Variants in ERBB4 observed in about 807,000 individuals in gnomAD.
ERBB4 encodes erb-b2 receptor tyrosine kinase 4.
A neutral mutation model predicts 158.0 loss-of-function variants in ERBB4; 42 were observed. That is an observed-to-expected ratio of 0.27 (90% CI 0.21 to 0.34). The LOEUF (loss-of-function observed/expected upper bound fraction) is 0.34. Ranked by LOEUF, ERBB4 falls within the 10% of genes least tolerant of loss-of-function variation. ERBB4 has a pLI of 1.00. For missense variants in ERBB4, 1,333 were observed against 1,624.1 expected (o/e 0.82, Z 3.08); for synonymous variants, 583 against 558.7 (o/e 1.04, Z -0.61).
intron 4 of ERBB4, among the ~76,000 whole-genome samples, chr2:211,760,804 A>G (rs1428385993): frequency 1.3e-5 from 2 of 152,208 alleles, no homozygotes; most frequent in Non-Finnish European, 2.9e-5. Flanking sequence ...ATGCTTACTG[A>G]GCACTCTTTA....
intron 20 of ERBB4, among the ~76,000 whole-genome samples, chr2:211,536,919 C>A (rs890307205): frequency 6.6e-6 from 1 of 151,158 alleles, no homozygotes; most frequent in Non-Finnish European, 1.5e-5. Context: ...TAAGGTAGAG[C>A]AGGAAAAAAC....
chr2:211,414,370 G>A lies in ERBB4; in HGVS notation c.3135+6071C>T, dbSNP rs114578012. On this transcript the variant is annotated intron_variant, in intron 25 of 27. Coordinates refer to ENST00000342788, the MANE Select transcript of ERBB4 (RefSeq NM_005235.3). ...AAATTAGCCAGGCATGGTGGTGCAT[G>A]CCTTAGTTCCAGCTACTTGGGAGGC... 7.4e-3 allele frequency among the ~76,000 whole-genome samples: 1,122 copies of A among 151,894 alleles called. 14 individuals carry two copies. The highest frequency in any genetic ancestry group is 0.026 in the African/African-American group (1,072 of 41,440).
chr2:212,433,057 TAGAA>T (rs1320411103), intron 1 of ERBB4, among the ~76,000 whole-genome samples: 1 of 152,036 alleles, frequency 6.6e-6, no homozygotes, highest in Non-Finnish European at 1.5e-5. Flanking sequence ...TTTGGTGTGG[TAGAA>T]AAGTTATTTA....
chr2:211,724,133 T>C (rs1392014739), intron 6 of ERBB4, among the ~76,000 whole-genome samples: 1 of 152,204 alleles, frequency 6.6e-6, no homozygotes, highest in African/African-American at 2.4e-5. Flanking sequence ...AGGTTCTCAG[T>C]TCAAGACCTA....
chr2:211,853,344 T>A (rs566183456), intron 3 of ERBB4, among the ~76,000 whole-genome samples: 10 of 152,150 alleles, frequency 6.6e-5, no homozygotes, highest in Middle Eastern at 3.4e-3. Context: ...TCTCTATGCA[T>A]TTTAGGTCAA....
At chr2:212,382,191 C>T (rs981198949) in intron 1 of ERBB4, among the ~76,000 whole-genome samples, 3 of 147,400 alleles carry the variant, frequency 2.0e-5, no homozygotes, top group African/African-American at 7.4e-5. Context: ...TACATATAAA[C>T]ACATATAAAT....
intron 2 of ERBB4, among the ~76,000 whole-genome samples, chr2:212,024,727 G>C (rs1521538): frequency 0.83 from 126,621 of 151,842 alleles, 54,189 homozygotes; most frequent in East Asian, 0.93. Context: ...CATATTCAAC[G>C]ACATAAAAAG....
chr2:211,393,029 T>TA (rs1003499265), intron 25 of ERBB4, among the ~76,000 whole-genome samples: 4 of 152,148 alleles, frequency 2.6e-5, no homozygotes, highest in African/African-American at 9.7e-5. Flanking sequence ...CTCATTTAAT[T>TA]AAAAAATTGA....
At chr2:211,730,372 C>T (rs889144370) in intron 5 of ERBB4, among the ~76,000 whole-genome samples, 11 of 151,850 alleles carry the variant, frequency 7.2e-5, no homozygotes, top group Non-Finnish European at 1.6e-4. Flanking sequence ...CTCTGTTCGC[C>T]CGTTAACAAT....
intron 1 of ERBB4, among the ~76,000 whole-genome samples, chr2:212,271,158 A>G (rs1047184657): frequency 8.3e-6 from 1 of 120,666 alleles, no homozygotes; most frequent in African/African-American, 2.6e-5. Flanking sequence ...TGATTACAGA[A>G]TGGAAAATCT....
chr2:212,248,181 A>G (rs534315393), intron 1 of ERBB4, among the ~76,000 whole-genome samples: 2 of 152,270 alleles, frequency 1.3e-5, no homozygotes, highest in Admixed American at 1.3e-4. Flanking sequence ...CAATTTAATG[A>G]AAGAAATATG....
At chr2:212,189,081 T>G (rs1217163053) in intron 1 of ERBB4, among the ~76,000 whole-genome samples, 21 of 121,110 alleles carry the variant, frequency 1.7e-4, no homozygotes, top group Admixed American at 3.5e-4. Flanking sequence ...AACTTTTTTT[T>G]TGGGGGGGGG....
chr2:212,478,798 A>T (rs1156362829), intron 1 of ERBB4, among the ~76,000 whole-genome samples: 2 of 152,080 alleles, frequency 1.3e-5, no homozygotes, highest in Non-Finnish European at 2.9e-5. Context: ...AAAGATAAGT[A>T]AAAACTGGCT....
intron 2 of ERBB4, among the ~76,000 whole-genome samples, chr2:212,062,825 C>G (rs2077821594): frequency 6.6e-6 from 1 of 152,180 alleles, no homozygotes; most frequent in Non-Finnish European, 1.5e-5. Flanking sequence ...TTTAAGAAGA[C>G]ACTGGCTATG....
intron 2 of ERBB4, among the ~76,000 whole-genome samples, chr2:212,089,570 T>C (rs1483275427): frequency 6.6e-6 from 1 of 152,156 alleles, no homozygotes; most frequent in Non-Finnish European, 1.5e-5. Flanking sequence ...TGAGATCTGG[T>C]TGTTTAAAAG....
intron 5 of ERBB4, among the ~76,000 whole-genome samples, chr2:211,735,159 G>A (rs1445742130): frequency 2.0e-5 from 3 of 151,872 alleles, no homozygotes; most frequent in Non-Finnish European, 4.4e-5. Flanking sequence ...GTTGAGGGAA[G>A]CATATTTACT....
At chr2:211,656,993 AC>A in intron 16 of ERBB4, among the ~76,000 whole-genome samples, 1 of 152,320 alleles carries the variant, frequency 6.6e-6, no homozygotes, top group Admixed American at 6.5e-5. Context: ...TTTTACCTGC[AC>A]AAAATATTTT....
chr2:211,548,546 C>T (rs937441294), intron 20 of ERBB4, among the ~76,000 whole-genome samples: 6 of 152,082 alleles, frequency 3.9e-5, no homozygotes, highest in African/African-American at 1.4e-4. Context: ...ACAAACAAAG[C>T]GTCCACAAGT....
chr2:212,401,519 C>T (rs2091203054), intron 1 of ERBB4, among the ~76,000 whole-genome samples: 1 of 152,002 alleles, frequency 6.6e-6, no homozygotes, highest in Admixed American at 6.6e-5. Flanking sequence ...AACAGATCTG[C>T]ACAATATGTG....
Sources: allele counts gnomAD v4.1 joint callset (sites outside exome capture counted in the v4.1 genomes callset), GRCh38; gene constraint gnomAD v4.1.1; transcripts MANE v1.5; gene names NCBI Gene and HGNC (gene_info 2026-07-23, HGNC 2026-07-21).